The following LRMDA variants were observed in gnomAD, a reference collection of about 807,000 sequenced individuals.
LRMDA encodes the protein leucine-rich melanocyte differentiation-associated protein.
LRMDA carries 18 observed loss-of-function variants against 29.8 expected under a neutral mutation model. That is an observed-to-expected ratio of 0.60 (90% CI 0.42 to 0.90). The LOEUF (loss-of-function observed/expected upper bound fraction) is 0.90. Ranked by LOEUF, LRMDA falls within the 40% of genes least tolerant of loss-of-function variation. LRMDA has a pLI of 0.00. For missense variants in LRMDA, 273 were observed against 273.9 expected (o/e 1.00, Z 0.02); for synonymous variants, 125 against 109.4 (o/e 1.14, Z -0.89).
chr10:76,046,853 GA>G (rs1848446854), intron 3 of LRMDA, among the ~76,000 whole-genome samples: 1 of 152,208 alleles, frequency 6.6e-6, no homozygotes, highest in Non-Finnish European at 1.5e-5. Flanking sequence ...TTACTCTATG[GA>G]ATCTTCCCTT....
At chr10:75,806,881 T>C (rs1843863987) in intron 2 of LRMDA, among the ~76,000 whole-genome samples, 1 of 151,782 alleles carries the variant, frequency 6.6e-6, no homozygotes, top group Admixed American at 6.6e-5. Context: ...GTTCTTCCTA[T>C]TCTATGTCTT....
intron 2 of LRMDA, among the ~76,000 whole-genome samples, chr10:75,835,641 C>T (rs1844421163): frequency 6.6e-6 from 1 of 152,108 alleles, no homozygotes; most frequent in South Asian, 2.1e-4. Flanking sequence ...GATTTCAGTC[C>T]CACTTGGGCT....
intron 2 of LRMDA, among the ~76,000 whole-genome samples, chr10:75,979,055 C>T (rs529579696): frequency 1.8e-4 from 27 of 152,224 alleles, no homozygotes; most frequent in African/African-American, 5.8e-4. Context: ...TAATAGTACC[C>T]ATCTCACAGA....
chr10:75,587,687 A>C (rs1320190425), intron 2 of LRMDA, among the ~76,000 whole-genome samples: 1 of 152,242 alleles, frequency 6.6e-6, no homozygotes, highest in Non-Finnish European at 1.5e-5. Context: ...AGAATCTAGA[A>C]TCAGTAACTT....
At chr10:75,468,188 G>T (rs938445098) in intron 2 of LRMDA, among the ~76,000 whole-genome samples, 20 of 152,132 alleles carry the variant, frequency 1.3e-4, no homozygotes, top group African/African-American at 4.8e-4. Flanking sequence ...ATTGATAATA[G>T]CCCCAAAGGA....
chr10:75,569,296 C>A (rs1235999054), intron 2 of LRMDA, among the ~76,000 whole-genome samples: 1 of 152,068 alleles, frequency 6.6e-6, no homozygotes, highest in Non-Finnish European at 1.5e-5. Context: ...TTTGGGCATG[C>A]CACTATGTCA....
chr10:75,535,952 T>G (rs1331086547), intron 2 of LRMDA, among the ~76,000 whole-genome samples: 1 of 152,220 alleles, frequency 6.6e-6, no homozygotes, highest in Non-Finnish European at 1.5e-5. Context: ...AGCAAGACTC[T>G]GAATTATTCT....
At chr10:75,959,116 A>G (rs1306589174) in intron 2 of LRMDA, among the ~76,000 whole-genome samples, 3 of 152,212 alleles carry the variant, frequency 2.0e-5, no homozygotes, top group Non-Finnish European at 4.4e-5. Context: ...CCGCCTTAAG[A>G]GTAAGTGGCA....
At chr10:76,276,262 C>T (rs569526020) in intron 5 of LRMDA, among the ~76,000 whole-genome samples, 2 of 152,064 alleles carry the variant, frequency 1.3e-5, no homozygotes, top group South Asian at 4.2e-4. Flanking sequence ...GCCTTGGCCT[C>T]CCTAGTAGCT....
chr10:75,897,167 G>A lies in LRMDA; in HGVS notation c.132-138841G>A, dbSNP rs552913649. On this transcript the variant is annotated intron_variant, in intron 2 of 6. Transcript: ENST00000611255. ...GTATAATAGCAATATCTATCTATGT[G>A]TTTGGGGGCAATAATAAGTTTAAAT... Among the ~76,000 whole-genome samples the A allele has an allele frequency of 9.8e-5, 15 of 152,304 alleles. No individual in the cohort carries two copies. In the South Asian group the frequency reaches 2.5e-3, roughly 25 times the overall value.
At chr10:76,148,414 G>A (rs958376355) in intron 5 of LRMDA, among the ~76,000 whole-genome samples, 7 of 152,074 alleles carry the variant, frequency 4.6e-5, no homozygotes, top group African/African-American at 7.2e-5. Context: ...CCCCAACCTC[G>A]CTGCCGCCTT....
chr10:75,741,474 C>T (rs1350391270), intron 2 of LRMDA, among the ~76,000 whole-genome samples: 3 of 152,168 alleles, frequency 2.0e-5, no homozygotes, highest in East Asian at 1.9e-4. Flanking sequence ...GTTACACTCA[C>T]CCAGATAAGC....
chr10:76,263,917 T>C (rs28538720), intron 5 of LRMDA, among the ~76,000 whole-genome samples: 2 of 152,094 alleles, frequency 1.3e-5, no homozygotes, highest in Non-Finnish European at 2.9e-5. Context: ...AAACTCTGCC[T>C]TCATAATAAT....
intron 2 of LRMDA, among the ~76,000 whole-genome samples, chr10:75,860,552 C>T (rs527908937): frequency 6.6e-6 from 1 of 152,158 alleles, no homozygotes; most frequent in South Asian, 2.1e-4. Flanking sequence ...GAACTCCTGG[C>T]CTCAAGTGAT....
chr10:76,017,717 C>A (rs1330788696), intron 2 of LRMDA, among the ~76,000 whole-genome samples: 1 of 152,190 alleles, frequency 6.6e-6, no homozygotes, highest in African/African-American at 2.4e-5. Context: ...TGACTTCCTA[C>A]ACTCAGGCAG....
chr10:76,029,320 A>T (rs538005656), intron 2 of LRMDA, among the ~76,000 whole-genome samples: 2 of 152,342 alleles, frequency 1.3e-5, no homozygotes, highest in East Asian at 3.9e-4. Context: ...AAAAAGCAGT[A>T]TATAAATAAA....
chr10:75,790,370 A>G (rs897770872), intron 2 of LRMDA, among the ~76,000 whole-genome samples: 20 of 152,342 alleles, frequency 1.3e-4, no homozygotes, highest in South Asian at 4.1e-4. Context: ...GTAAACAACA[A>G]TTATATGCTA....
intron 5 of LRMDA, among the ~76,000 whole-genome samples, chr10:76,243,827 C>T (rs181955499): frequency 5.9e-5 from 9 of 152,246 alleles, no homozygotes; most frequent in Non-Finnish European, 8.8e-5. Flanking sequence ...CAAAATATAT[C>T]GCTCCATCCT....
intron 5 of LRMDA, among the ~76,000 whole-genome samples, chr10:76,117,109 A>T (rs1229337669): frequency 6.6e-6 from 1 of 152,196 alleles, no homozygotes; most frequent in African/African-American, 2.4e-5. Flanking sequence ...TAGGAAAAAG[A>T]TCACCTTGCA....
Sources: allele counts gnomAD v4.1 joint callset (sites outside exome capture counted in the v4.1 genomes callset), GRCh38; gene constraint gnomAD v4.1.1; transcripts MANE v1.5; gene names NCBI Gene and HGNC (gene_info 2026-07-23, HGNC 2026-07-21).